Variants in SLC22A16 observed in about 807,000 individuals in gnomAD.
The protein encoded by SLC22A16 is solute carrier family 22 member 16.
In SLC22A16, 53 loss-of-function variants were observed where a neutral mutation model predicts 52.9. That is an observed-to-expected ratio of 1.00 (90% CI 0.80 to 1.26). SLC22A16 has a LOEUF of 1.26. Ranked by LOEUF, SLC22A16 falls within the 50% of genes most tolerant of loss-of-function variation. The pLI is 0.00. For synonymous variants in SLC22A16, 291 were observed against 268.8 expected (o/e 1.08, Z -0.81); for missense variants, 726 against 704.0 (o/e 1.03, Z -0.35).
chr6:110,458,718 C>A (rs1371783951), intron 1 of SLC22A16, among the ~76,000 whole-genome samples: 3 of 152,100 alleles, frequency 2.0e-5, no homozygotes, highest in Middle Eastern at 3.2e-3. Context: ...GGGCATCATC[C>A]AATCACTTGA....
intron 2 of SLC22A16, among the ~76,000 whole-genome samples, chr6:110,452,754 C>A (rs80030978): frequency 0.013 from 1,908 of 152,196 alleles, 22 homozygotes; most frequent in Non-Finnish European, 0.019. Flanking sequence ...ATTGTAGAAA[C>A]CTTTTATCAG....
intron 5 of SLC22A16, among the ~76,000 whole-genome samples, chr6:110,438,381 G>T (rs531416345): frequency 5.9e-4 from 89 of 152,106 alleles, no homozygotes; most frequent in African/African-American, 2.0e-3. Flanking sequence ...CTGGAGTACA[G>T]TGGCAGTGAT....
Position 110,424,811 on chromosome 6 carries a change from C to T in SLC22A16, c.*62G>A. ...CATATGGGAGATGAGAATAAGATTC[C>T]TCTAATACAAAGGCATTAGGGTAAA... On this transcript the variant is annotated 3_prime_UTR_variant, in exon 8 of 8. Coordinates refer to ENST00000368919, the MANE Select transcript of SLC22A16 (RefSeq NM_033125.4). 6 of 1,585,298 alleles carry T rather than the reference C, an allele frequency of 3.8e-6. No individual in the cohort carries two copies. Among genetic ancestry groups the T allele is most frequent in the Non-Finnish European group, 5.2e-6 (6 of 1,157,646 alleles).
chr6:110,427,661 G>A (rs1004061319), intron 7 of SLC22A16, among the ~76,000 whole-genome samples: 6 of 152,114 alleles, frequency 3.9e-5, no homozygotes, highest in East Asian at 1.9e-4. Context: ...CACCACGCTC[G>A]GCTAATATTT....
At chr6:110,452,031 T>C (rs998190269) in intron 2 of SLC22A16, among the ~76,000 whole-genome samples, 3 of 152,226 alleles carry the variant, frequency 2.0e-5, no homozygotes, top group Non-Finnish European at 4.4e-5. Context: ...CTTTTCCTGC[T>C]AATATAAAAT....
At chr6:110,455,013 AAT>A (rs1344993696) in intron 2 of SLC22A16, among the ~76,000 whole-genome samples, 3 of 119,714 alleles carry the variant, frequency 2.5e-5, no homozygotes, top group South Asian at 2.3e-4. Flanking sequence ...TAATTAGTGA[AAT>A]ATATATATAA....
Position 110,465,100 on chromosome 6 carries a change from T to TA in SLC22A16, c.54-8084dup, listed in dbSNP as rs71018392. Among the ~76,000 whole-genome samples, 501 of 130,426 alleles carry TA rather than the reference T, an allele frequency of 3.8e-3. 1 individual carries two copies. The highest frequency in any genetic ancestry group is 8.1e-3 in the Middle Eastern group (2 of 246). The allele number at this position is 130,426 out of a possible 152,430, so 85.6% of individuals were successfully genotyped here. A position where few individuals can be genotyped will look rare whatever the true frequency, so the allele number is the denominator to read the frequency against. ...GATAAAATCCAACATCCCTTCATGA[T>TA]AAAAAAAAAAAAAACTCAACAAACT... On this transcript the variant is annotated intron_variant, in intron 1 of 7. Coordinates refer to ENST00000368919, the MANE Select transcript of SLC22A16 (RefSeq NM_033125.4).
intron 1 of SLC22A16, 81 bp downstream of exon 1, chr6:110,476,441 G>A: frequency 7.0e-7 from 1 of 1,424,026 alleles, no homozygotes; most frequent in South Asian, 1.5e-5. Flanking sequence ...CGAGCGCCGC[G>A]CGAGAACCCC....
intron 2 of SLC22A16, among the ~76,000 whole-genome samples, chr6:110,452,759 T>C (rs1158101532): frequency 1.3e-5 from 2 of 152,246 alleles, no homozygotes; most frequent in African/African-American, 2.4e-5. Context: ...AGAAACCTTT[T>C]ATCAGGTTAA....
intron 1 of SLC22A16, among the ~76,000 whole-genome samples, chr6:110,465,947 C>T (rs1582586806): frequency 6.6e-6 from 1 of 152,074 alleles, no homozygotes; most frequent in East Asian, 1.9e-4. Flanking sequence ...ACACACAAGC[C>T]AATGGAACAA....
chr6:110,461,812 T>G (rs1775895379), intron 1 of SLC22A16, among the ~76,000 whole-genome samples: 1 of 151,952 alleles, frequency 6.6e-6, no homozygotes. Context: ...CACCCTCAAG[T>G]GAAAAAAGAA....
At chr6:110,435,345 A>G (rs945994438) in intron 6 of SLC22A16, among the ~76,000 whole-genome samples, 11 of 152,158 alleles carry the variant, frequency 7.2e-5, no homozygotes, top group Non-Finnish European at 1.5e-4. Flanking sequence ...CAGAGGTAAG[A>G]CCCCTTGAGG....
At position 110,467,971 on chromosome 6, in the gene SLC22A16, T is replaced by A. The variant is rs1230101958; in HGVS notation, c.53+8551A>T. On this transcript the variant is annotated intron_variant, in intron 1 of 7. Coordinates refer to ENST00000368919, the MANE Select transcript of SLC22A16 (RefSeq NM_033125.4). Reference sequence around the variant, plus strand: ...CTCACAGATAACTGCCAGGCTGGCATGTAGCCACCATTCCTCACTTCTCAT... The same window carrying A: ...CTCACAGATAACTGCCAGGCTGGCAAGTAGCCACCATTCCTCACTTCTCAT... 2.0e-5 allele frequency among the ~76,000 whole-genome samples: 3 copies of A among 152,340 alleles called. No individual in the cohort carries two copies. The East Asian group carries it at 5.8e-4, about 29-fold the overall frequency.
At chr6:110,436,295 G>A (rs1251129235) in intron 5 of SLC22A16, among the ~76,000 whole-genome samples, 2 of 152,116 alleles carry the variant, frequency 1.3e-5, no homozygotes, top group African/African-American at 2.4e-5. Flanking sequence ...CACTCCTTCT[G>A]GGACTGATCC....
chr6:110,444,469 T>C (rs1426733816), intron 3 of SLC22A16, among the ~76,000 whole-genome samples: 1 of 152,342 alleles, frequency 6.6e-6, no homozygotes, highest in South Asian at 2.1e-4. Flanking sequence ...GATGTTAATT[T>C]CTTCAAAAGT....
chr6:110,431,806 A>T (rs974902691), intron 6 of SLC22A16, among the ~76,000 whole-genome samples: 5 of 152,238 alleles, frequency 3.3e-5, no homozygotes, highest in Non-Finnish European at 5.9e-5. Flanking sequence ...CATGCACATA[A>T]TTCAAGACAA....
chr6:110,442,528 C>T lies in SLC22A16; in HGVS notation c.899G>A (p.Arg300Gln), dbSNP rs140000057. 4.9e-5 allele frequency: 79 copies of T among 1,614,146 alleles called. No individual in the cohort carries two copies. The East Asian group carries it at 1.4e-3, about 28-fold the overall frequency. ...AACTATTTTTTGTGCTTCTTCATAT[C>T]GTCCCTCTGAGAGAAGCCAAAAAGG... ...ETPFWLLSEG[R>Q]YEEAQKIVDI... The change falls in exon 4 of 8, where the codon CGA becomes CAA. Residue 300 changes from arginine (R) to glutamine (Q), a missense_variant. By Grantham distance (43) the Arg-to-Gln change is conservative. Transcript: ENST00000368919.
Position 110,448,810 on chromosome 6 carries a change from C to A in SLC22A16, c.534-1820G>T, listed in dbSNP as rs144867873. Reference sequence around the variant, plus strand: ...TACCAACATGACCTGCATCTGCATTCAGCCTTCTCTTCCTGCCTCTCTGAA... The same window carrying A: ...TACCAACATGACCTGCATCTGCATTAAGCCTTCTCTTCCTGCCTCTCTGAA... On this transcript the variant is annotated intron_variant, in intron 2 of 7. Transcript: ENST00000368919. Among the ~76,000 whole-genome samples the A allele has an allele frequency of 2.0e-5, 3 of 152,366 alleles. No homozygotes were observed. The East Asian group carries it at 5.8e-4, about 29-fold the overall frequency.
intron 1 of SLC22A16, among the ~76,000 whole-genome samples, chr6:110,473,814 C>T (rs542492824): frequency 1.3e-5 from 2 of 151,966 alleles, no homozygotes; most frequent in South Asian, 2.1e-4. Context: ...CATGAACCAC[C>T]GCACCTGGCC....
Sources: allele counts gnomAD v4.1 joint callset (sites outside exome capture counted in the v4.1 genomes callset), GRCh38; gene constraint gnomAD v4.1.1; transcripts MANE v1.5; gene names NCBI Gene and HGNC (gene_info 2026-07-23, HGNC 2026-07-21).